ABCA4: variants seen among roughly 807,000 people sequenced by gnomAD.
ABCA4 encodes retinal-specific phospholipid-transporting ATPase ABCA4.
A neutral mutation model predicts 263.7 loss-of-function variants in ABCA4; 196 were observed. That is an observed-to-expected ratio of 0.74 (90% CI 0.66 to 0.84). The LOEUF is 0.84. Ranked by LOEUF, ABCA4 falls within the 40% of genes least tolerant of loss-of-function variation. ABCA4 has a pLI of 0.00. For missense variants in ABCA4, 2,792 were observed against 2,855.1 expected, an observed-to-expected ratio of 0.98 and a Z score of 0.50; for synonymous variants, 1,133 against 1,094.2, an observed-to-expected ratio of 1.04 and a Z score of -0.70.
At chr1:94,105,419 G>C (rs552882113) in intron 4 of ABCA4, among the ~76,000 whole-genome samples, 2 of 152,148 alleles carry the variant, frequency 1.3e-5, no homozygotes, top group Non-Finnish European at 2.9e-5. Flanking sequence ...TGTGGCTCTG[G>C]GGGGGAAGGG....
chr1:94,085,188 G>T (rs1661798441), intron 6 of ABCA4, among the ~76,000 whole-genome samples: 1 of 152,122 alleles, frequency 6.6e-6, no homozygotes, highest in South Asian at 2.1e-4. Context: ...ACAGAGGGAA[G>T]TACATATGGT....
chr1:94,098,646 G>C, intron 6 of ABCA4, 148 bp downstream of exon 6: 1 of 874,314 alleles, frequency 1.1e-6, no homozygotes, highest in Admixed American at 2.0e-5. Context: ...AATACTATCA[G>C]TTGTGATTTT....
intron 27 of ABCA4, 117 bp from the exon 28 acceptor site, chr1:94,031,237 T>A: frequency 7.1e-7 from 1 of 1,408,674 alleles, no homozygotes. Flanking sequence ...AATCAGCCCC[T>A]GGTGGAGAGG....
intron 5 of ABCA4, 50 bp downstream of exon 5, chr1:94,102,965 T>C: frequency 6.2e-7 from 1 of 1,613,508 alleles, no homozygotes; most frequent in Non-Finnish European, 8.5e-7. Flanking sequence ...TTTCTCAGGC[T>C]GGGTGCTTCC....
chr1:94,099,551 T>G (rs1662231807), intron 5 of ABCA4, among the ~76,000 whole-genome samples: 1 of 152,156 alleles, frequency 6.6e-6, no homozygotes, highest in South Asian at 2.1e-4. Flanking sequence ...AGGGATCCCC[T>G]TCTTACAGCA....
chr1:94,082,369 C>T (rs1283894270), intron 7 of ABCA4, among the ~76,000 whole-genome samples: 1 of 152,204 alleles, frequency 6.6e-6, no homozygotes, highest in East Asian at 1.9e-4. Flanking sequence ...AACTTCTACT[C>T]AGAACTAAGA....
chr1:94,052,167 A>T (rs1660856722), intron 16 of ABCA4, among the ~76,000 whole-genome samples: 1 of 152,194 alleles, frequency 6.6e-6, no homozygotes, highest in South Asian at 2.1e-4. Context: ...GCACACTGAG[A>T]TTCAGCCATC....
At chr1:94,109,487 A>T (rs4147812) in intron 3 of ABCA4, among the ~76,000 whole-genome samples, 7 of 152,106 alleles carry the variant, frequency 4.6e-5, no homozygotes, top group African/African-American at 1.7e-4. Flanking sequence ...GGGAGAATAA[A>T]GCTGGGTCAA....
At chr1:94,047,302 G>A (rs573358438) in intron 18 of ABCA4, among the ~76,000 whole-genome samples, 1 of 152,128 alleles carries the variant, frequency 6.6e-6, no homozygotes, top group Non-Finnish European at 1.5e-5. Context: ...GCACTGCTTC[G>A]ACTGCTTTAC....
At position 94,019,857 on chromosome 1, in the gene ABCA4, G is replaced by A. The variant is rs116362338; in HGVS notation, c.5019-98C>T. On this transcript the variant is annotated intron_variant, in intron 35 of 49. Coordinates refer to ENST00000370225, the MANE Select transcript of ABCA4 (RefSeq NM_000350.3). ...CAGGCTTTGGGAAGGCCTTACACCC[G>A]CCCAGGTGTGGCCTCCAGGTTCCTC... is the stretch of plus-strand genomic sequence containing the variant. 2,348 of 1,340,890 alleles carry A rather than the reference G, an allele frequency of 1.8e-3. 39 individuals are homozygous for A. The African/African-American group carries it at 0.03, about 17-fold the overall frequency. 83.1% of individuals were successfully genotyped at this position (1,340,890 alleles called of 1,614,324 possible).
At chr1:94,082,818 C>A (rs1458800988) in intron 7 of ABCA4, among the ~76,000 whole-genome samples, 1 of 152,156 alleles carries the variant, frequency 6.6e-6, no homozygotes, top group Non-Finnish European at 1.5e-5. Flanking sequence ...GTGGAAGAAT[C>A]CATTTCTATA....
intron 6 of ABCA4, among the ~76,000 whole-genome samples, chr1:94,096,833 A>G (rs1163124140): frequency 1.3e-5 from 2 of 152,198 alleles, no homozygotes; most frequent in African/African-American, 4.8e-5. Context: ...TGCTCCCTTC[A>G]TGGTGACGAG....
At position 93,996,108 on chromosome 1, in the gene ABCA4, C is replaced by A. The variant is rs773599043; in HGVS notation, c.6816+1G>T. 1 of 1,613,770 alleles carries A rather than the reference C, an allele frequency of 6.2e-7. No homozygotes were observed. Among genetic ancestry groups the A allele is most frequent in the South Asian group, 1.1e-5 (1 of 91,084 alleles). On this transcript the variant is annotated splice_donor_variant, in intron 49 of 49. Transcript: ENST00000370225. LOFTEE classifies it high-confidence loss of function. ...GTGGACTGCATAAGCAGCAGGGGTACCTGGGCTTGTCGACTGGCTCCAGCA... is the reference window on the plus strand; with the variant it reads ...GTGGACTGCATAAGCAGCAGGGGTAACTGGGCTTGTCGACTGGCTCCAGCA...
intron 45 of ABCA4, 151 bp downstream of exon 45, chr1:94,001,707 C>G: frequency 8.7e-7 from 1 of 1,153,800 alleles, no homozygotes; most frequent in East Asian, 2.5e-5. Flanking sequence ...AAACACTGGG[C>G]TGATCGCTCA....
At chr1:94,105,918 G>A (rs1570428788) in intron 4 of ABCA4, among the ~76,000 whole-genome samples, 8 of 152,228 alleles carry the variant, frequency 5.3e-5, no homozygotes, top group South Asian at 2.1e-4. Context: ...CCACCCGCTC[G>A]CTTTCAAAGG....
intron 1 of ABCA4, among the ~76,000 whole-genome samples, chr1:94,120,137 AC>A (rs1420140881): frequency 2.0e-5 from 3 of 152,236 alleles, no homozygotes; most frequent in Non-Finnish European, 4.4e-5. Context: ...GTTGTCATTT[AC>A]AAGTACAGTC....
intron 37 of ABCA4, among the ~76,000 whole-genome samples, chr1:94,015,111 A>C (rs1357668529): frequency 6.6e-6 from 1 of 152,220 alleles, no homozygotes; most frequent in East Asian, 1.9e-4. Flanking sequence ...TTCCAAGAGA[A>C]AGATGTGGAG....
In ABCA4 at chr1:93,992,957, G is replaced by A. The variant is rs187557295; in HGVS notation, c.*280C>T. 2 of 522,220 alleles carry A rather than the reference G, an allele frequency of 3.8e-6. No individual in the cohort carries two copies. The highest frequency in any genetic ancestry group is 6.9e-6 in the Non-Finnish European group (2 of 288,594). The allele number at this position is 522,220 out of a possible 1,614,324, so 32.3% of individuals were successfully genotyped here. ...TGAGAGCAATATGGAGGCCAAAGCT[G>A]CTAGTGGGATGGCCCGGGGTTTCTA... On this transcript the variant is annotated 3_prime_UTR_variant, in exon 50 of 50. Coordinates refer to ENST00000370225, the MANE Select transcript of ABCA4 (RefSeq NM_000350.3).
At position 94,037,370 on chromosome 1, in the gene ABCA4, T is replaced by G. The variant is rs772484486; in HGVS notation, c.3608-20A>C. ...CATCCCCTAGGACAAGAAAAAAGAC[T>G]GATGCCAGCTCTGTTTTCCAGAAAC... On this transcript the variant is annotated intron_variant, in intron 24 of 49. Transcript: ENST00000370225. 3 of 1,609,306 alleles carry G rather than the reference T, an allele frequency of 1.9e-6. No homozygotes were observed. In the Admixed American group the frequency reaches 5.0e-5, roughly 27 times the overall value.
Sources: allele counts gnomAD v4.1 joint callset (sites outside exome capture counted in the v4.1 genomes callset), GRCh38; gene constraint gnomAD v4.1.1; transcripts MANE v1.5; gene names NCBI Gene and HGNC (gene_info 2026-07-23, HGNC 2026-07-21).